The following TSHZ2 variants were observed in gnomAD, a reference collection of about 807,000 sequenced individuals.
TSHZ2 encodes the protein teashirt homolog 2.
TSHZ2 carries 21 observed loss-of-function variants against 74.4 expected under a neutral mutation model. The observed-to-expected ratio is 0.28, with a 90% CI of 0.20 to 0.41. The LOEUF (loss-of-function observed/expected upper bound fraction) is 0.41, where lower values mean the gene tolerates loss of function less well. Among genes scored for constraint, TSHZ2 ranks in the 10% least tolerant of loss-of-function variants. TSHZ2 has a pLI of 1.00. For missense variants in TSHZ2, 1,244 were observed against 1,293.5 expected (o/e 0.96, Z 0.59); for synonymous variants, 540 against 515.3 (o/e 1.05, Z -0.65).
intron 1 of TSHZ2, among the ~76,000 whole-genome samples, chr20:53,029,808 A>G (rs2123058561): frequency 6.6e-6 from 1 of 152,244 alleles, no homozygotes; most frequent in East Asian, 1.9e-4. Flanking sequence ...ATAAAACTCA[A>G]AGTGGGAGGA....
At chr20:53,125,544 C>T (rs1986925363) in intron 1 of TSHZ2, among the ~76,000 whole-genome samples, 2 of 152,214 alleles carry the variant, frequency 1.3e-5, no homozygotes, top group East Asian at 3.9e-4. Context: ...GCCCAAATGG[C>T]CTGGCTTCCT....
At chr20:53,283,362 T>C (rs548323442) in intron 2 of TSHZ2, among the ~76,000 whole-genome samples, 3 of 152,338 alleles carry the variant, frequency 2.0e-5, no homozygotes, top group Non-Finnish European at 4.4e-5. Context: ...TTTAAAACTC[T>C]TTACATACAT....
chr20:53,453,041 C>G (rs1984869447), intron 2 of TSHZ2: 2 of 152,172 alleles, frequency 1.3e-5, no homozygotes, highest in South Asian at 4.1e-4. Context: ...GATTATAAAT[C>G]AGCTACAAGG....
intron 1 of TSHZ2, among the ~76,000 whole-genome samples, chr20:53,034,024 G>A (rs539069401): frequency 3.6e-4 from 55 of 152,122 alleles, no homozygotes; most frequent in Non-Finnish European, 6.0e-4. Flanking sequence ...TCTGGAGAGC[G>A]TAGCACAGGA....
chr20:53,062,024 TA>T (rs980661076), intron 1 of TSHZ2, among the ~76,000 whole-genome samples: 165 of 152,254 alleles, frequency 1.1e-3, no homozygotes, highest in African/African-American at 3.7e-3. Flanking sequence ...AGGCTTTCTT[TA>T]AAAAAAGTAG....
At chr20:53,413,489 G>T (rs905128671) in intron 2 of TSHZ2, among the ~76,000 whole-genome samples, 2 of 152,206 alleles carry the variant, frequency 1.3e-5, no homozygotes, top group African/African-American at 4.8e-5. Context: ...CTTGCAAGTT[G>T]TGTGATGTCG....
chr20:53,372,109 G>A (rs1981495654), intron 2 of TSHZ2, among the ~76,000 whole-genome samples: 1 of 152,100 alleles, frequency 6.6e-6, no homozygotes, highest in South Asian at 2.1e-4. Context: ...CAAATGGGAA[G>A]ACCCTATTTC....
At chr20:53,374,264 A>G (rs1427266312) in intron 2 of TSHZ2, among the ~76,000 whole-genome samples, 2 of 152,194 alleles carry the variant, frequency 1.3e-5, no homozygotes, top group Non-Finnish European at 2.9e-5. Context: ...TTTCTGTGTT[A>G]CTTCACTTAA....
In TSHZ2 at chr20:53,475,836, G is replaced by C. The variant is rs968008478; in HGVS notation, c.*9-11308G>C. Among the ~76,000 whole-genome samples, 7 of 135,546 alleles carry C rather than the reference G, an allele frequency of 5.2e-5. 2 individuals carry two copies. Among genetic ancestry groups the C allele is most frequent in the African/African-American group, 1.5e-4 (5 of 33,972 alleles). 88.9% of individuals were successfully genotyped at this position (135,546 alleles called of 152,430 possible). A position where few individuals can be genotyped will look rare whatever the true frequency, so the allele number is the denominator to read the frequency against. ...AAATGACAAAGGGGATATCACCACC[G>C]ATCCCACAGAAATACAAACTACCAT... On this transcript the variant is annotated intron_variant, in intron 2 of 2. Coordinates refer to ENST00000371497, the MANE Select transcript of TSHZ2 (RefSeq NM_173485.6).
chr20:53,485,661 A>G lies in TSHZ2; in HGVS notation c.*9-1483A>G, dbSNP rs1986272172. Among the ~76,000 whole-genome samples the G allele has an allele frequency of 2.0e-5, 3 of 151,936 alleles. No homozygotes were observed. In the South Asian group the frequency reaches 6.2e-4, roughly 31 times the overall value. On this transcript the variant is annotated intron_variant, in intron 2 of 2. Coordinates refer to ENST00000371497, the MANE Select transcript of TSHZ2 (RefSeq NM_173485.6). ...GAGGCGGAGGTTGTAATGAACCCAC[A>G]TCGTGCCACTGCACTCCAGCTTGGG...
intron 1 of TSHZ2, among the ~76,000 whole-genome samples, chr20:53,205,120 C>T (rs1019183789): frequency 1.3e-5 from 2 of 151,372 alleles, no homozygotes; most frequent in Non-Finnish European, 2.9e-5. Context: ...AAGAAACTTG[C>T]TAAGAGTCAC....
At chr20:53,354,290 T>C (rs551814155) in intron 2 of TSHZ2, among the ~76,000 whole-genome samples, 1 of 152,342 alleles carries the variant, frequency 6.6e-6, no homozygotes, top group African/African-American at 2.4e-5. Context: ...TGGCCTGTAT[T>C]GGAATCTGGT....
intron 1 of TSHZ2, among the ~76,000 whole-genome samples, chr20:53,022,805 G>A (rs1046453049): frequency 2.0e-5 from 3 of 152,146 alleles, no homozygotes; most frequent in Non-Finnish European, 4.4e-5. Context: ...ACTAAAATAG[G>A]AGTTCCTTTG....
In TSHZ2 at chr20:53,256,268, C is replaced by G; in HGVS notation, c.2810C>G (p.Thr937Ser). ...AGTGACTGTGCCTCCCAGTTCAGAACCCCTTCTACCTACATCAGTCACTTA... is the reference window on the plus strand; with the variant it reads ...AGTGACTGTGCCTCCCAGTTCAGAAGCCCTTCTACCTACATCAGTCACTTA... ...YCSDCASQFRTPSTYISHLES... is the reference protein window; with the variant it reads ...YCSDCASQFRSPSTYISHLES... Residue 937 changes from threonine (T) to serine (S), a missense_variant, in exon 2 of 3, where the codon ACC becomes AGC. By Grantham distance (58) the Thr-to-Ser change is moderately conservative (BLOSUM62 1). Around this residue, in one of 6 missense-constraint regions of TSHZ2, gnomAD observed 185 missense variants for 213.3 expected, o/e 0.87. Transcript: ENST00000371497. The surrounding 1 kb of genome is among the most constrained non-coding windows in gnomAD (Gnocchi z 4.3). 6.2e-7 allele frequency: 1 copy of G among 1,614,130 alleles called. No homozygotes were observed. The highest frequency in any genetic ancestry group is 8.5e-7 in the Non-Finnish European group (1 of 1,179,992).
chr20:53,433,364 C>G (rs1983910950), intron 2 of TSHZ2, among the ~76,000 whole-genome samples: 1 of 152,112 alleles, frequency 6.6e-6, no homozygotes, highest in African/African-American at 2.4e-5. Context: ...GAGACCCTGT[C>G]TCTACAAAAA....
At chr20:52,978,533 A>T (rs910062725) in intron 1 of TSHZ2, among the ~76,000 whole-genome samples, 3 of 152,196 alleles carry the variant, frequency 2.0e-5, no homozygotes, top group African/African-American at 7.2e-5. Context: ...GAAATTGCCG[A>T]ACAAATTCTA....
At chr20:53,284,305 T>C (rs1991121891) in intron 2 of TSHZ2, among the ~76,000 whole-genome samples, 1 of 152,216 alleles carries the variant, frequency 6.6e-6, no homozygotes, top group Non-Finnish European at 1.5e-5. Context: ...TGTTCGTGCA[T>C]AGTTAATATT....
chr20:53,193,438 G>A (rs1988788997), intron 1 of TSHZ2, among the ~76,000 whole-genome samples: 1 of 152,096 alleles, frequency 6.6e-6, no homozygotes, highest in African/African-American at 2.4e-5. Context: ...GTTATGCACT[G>A]CCTTTGCCCC....
chr20:53,457,757 T>G (rs1985162209), intron 2 of TSHZ2, among the ~76,000 whole-genome samples: 1 of 151,790 alleles, frequency 6.6e-6, no homozygotes, highest in South Asian at 2.1e-4. Context: ...TATTGAGAGT[T>G]TTTAGCATGA....
Sources: allele counts gnomAD v4.1 joint callset (sites outside exome capture counted in the v4.1 genomes callset), GRCh38; gene constraint gnomAD v4.1.1; regional missense constraint gnomAD v4.1.1; non-coding constraint Gnocchi (gnomAD v3.1); transcripts MANE v1.5; gene names NCBI Gene and HGNC (gene_info 2026-07-23, HGNC 2026-07-21).